The following ADARB1 variants were observed in gnomAD, a reference collection of about 807,000 sequenced individuals.
The protein encoded by ADARB1 is adenosine deaminase RNA specific B1, also known as double-stranded RNA-specific editase 1.
ADARB1 carries 10 observed loss-of-function variants against 52.4 expected under a neutral mutation model. The ratio of observed to expected loss-of-function variants is 0.19; its 90% CI spans 0.12 to 0.32. The LOEUF (loss-of-function observed/expected upper bound fraction) is 0.32. Among genes scored for constraint, ADARB1 ranks in the 10% least tolerant of loss-of-function variants. ADARB1 has a pLI of 1.00. For missense variants in ADARB1, 643 were observed against 922.3 expected (o/e 0.70, Z 3.92); for synonymous variants, 349 against 371.1 (o/e 0.94, Z 0.68).
chr21:45,162,064 G>C (rs1337264391), intron 2 of ADARB1, among the ~76,000 whole-genome samples: 1 of 152,118 alleles, frequency 6.6e-6, no homozygotes, highest in Middle Eastern at 3.2e-3. Context: ...ACACAAACAG[G>C]GCTGAAACAC....
chr21:45,098,726 G>A (rs187963957), intron 1 of ADARB1, among the ~76,000 whole-genome samples: 1 of 152,336 alleles, frequency 6.6e-6, no homozygotes, highest in East Asian at 1.9e-4. Context: ...TGCTAGGCAG[G>A]AGCTGGAGGC....
chr21:45,162,578 A>G (rs960768244), intron 2 of ADARB1, among the ~76,000 whole-genome samples: 1 of 152,128 alleles, frequency 6.6e-6, no homozygotes, highest in Admixed American at 6.5e-5. Flanking sequence ...TGAGGATCCT[A>G]TGACACTGGG....
intron 2 of ADARB1, among the ~76,000 whole-genome samples, chr21:45,171,266 C>T (rs891799645): frequency 1.3e-5 from 2 of 152,190 alleles, no homozygotes; most frequent in Admixed American, 6.5e-5. Flanking sequence ...GGAATCAAAC[C>T]CACCCTCCTC....
chr21:45,136,492 G>A (rs770486016), intron 2 of ADARB1, among the ~76,000 whole-genome samples: 4 of 152,208 alleles, frequency 2.6e-5, no homozygotes, highest in South Asian at 2.1e-4. Context: ...TGTTTGCTAC[G>A]CCCGGCACCA....
intron 2 of ADARB1, among the ~76,000 whole-genome samples, chr21:45,153,536 A>G (rs2090409959): frequency 6.6e-6 from 1 of 152,208 alleles, no homozygotes; most frequent in Non-Finnish European, 1.5e-5. Flanking sequence ...CCCTTGGGAC[A>G]TGCTGTGGCA....
chr21:45,134,518 TGTGTGTGTCTGACATGG>T (rs2089247063), intron 2 of ADARB1, among the ~76,000 whole-genome samples: 1 of 146,816 alleles, frequency 6.8e-6, no homozygotes, highest in Non-Finnish European at 1.5e-5. Context: ...GCCTGACGTG[TGTGTGTGTCTGACATGG>T]GTGTGTGCAC....
Position 45,220,845 on chromosome 21 carries a change from A to T in ADARB1, c.1757A>T (p.Asn586Ile). The change falls in exon 10 of 11, where the codon AAT (asparagine) becomes ATT (isoleucine). Residue 586 changes from asparagine to isoleucine, a missense_variant. Around this residue, in one of 2 missense-constraint regions of ADARB1, gnomAD observed 263 missense variants for 475.8 expected, o/e 0.55. Transcript: ENST00000348831. The surrounding 1 kb of genome is among the most constrained non-coding windows in gnomAD (Gnocchi z 6.3). The stretch of plus-strand genomic sequence containing the variant: ...GTGTCTTCCGTTTCAGGCATCAGCA[A>T]TGCAGAAGCACGGCAGCCAGGGAAG... Reference protein sequence around the residue: ...LNKPLLSGISNAEARQPGKAP... With the variant: ...LNKPLLSGISIAEARQPGKAP... 1 of 1,613,132 alleles carries T rather than the reference A, an allele frequency of 6.2e-7. No homozygotes were observed. Among genetic ancestry groups the T allele is most frequent in the Non-Finnish European group, 8.5e-7 (1 of 1,179,754 alleles).
intron 2 of ADARB1, among the ~76,000 whole-genome samples, chr21:45,164,491 CAG>C (rs924484192): frequency 7.2e-6 from 1 of 137,994 alleles, no homozygotes; most frequent in Non-Finnish European, 1.5e-5. Flanking sequence ...AGGCCACAAA[CAG>C]GGAGACAAAT....
intron 9 of ADARB1, among the ~76,000 whole-genome samples, chr21:45,211,782 G>C (rs914225364): frequency 6.6e-6 from 1 of 152,148 alleles, no homozygotes; most frequent in African/African-American, 2.4e-5. Flanking sequence ...TTTCTGTACC[G>C]CGGCCTGGGA....
intron 1 of ADARB1, among the ~76,000 whole-genome samples, chr21:45,115,986 G>A (rs999008573): frequency 3.2e-4 from 49 of 152,176 alleles, no homozygotes; most frequent in African/African-American, 1.0e-3. Flanking sequence ...TTTCACCCTC[G>A]TCATCCATCC....
chr21:45,164,175 G>T (rs895613567), intron 2 of ADARB1, among the ~76,000 whole-genome samples: 1 of 152,174 alleles, frequency 6.6e-6, no homozygotes, highest in South Asian at 2.1e-4. Context: ...ATGTGTAGGC[G>T]TCTCAGGGAT....
At chr21:45,092,179 G>A (rs752372120) in intron 1 of ADARB1, among the ~76,000 whole-genome samples, 3 of 152,132 alleles carry the variant, frequency 2.0e-5, no homozygotes, top group Admixed American at 1.3e-4. Flanking sequence ...CTCCTGGGCC[G>A]TCGGTTCAGA....
At chr21:45,089,320 T>C (rs1027188340) in intron 1 of ADARB1, among the ~76,000 whole-genome samples, 1 of 152,112 alleles carries the variant, frequency 6.6e-6, no homozygotes, top group African/African-American at 2.4e-5. Context: ...AATTTCAACA[T>C]AAAAAGTTGA....
intron 9 of ADARB1, among the ~76,000 whole-genome samples, chr21:45,209,882 C>G (rs2092734018): frequency 6.6e-6 from 1 of 152,228 alleles, no homozygotes; most frequent in Admixed American, 6.5e-5. Flanking sequence ...CCTGAAAATG[C>G]TGCTGAGCAG....
chr21:45,179,561 A>G (rs899179458), intron 4 of ADARB1, among the ~76,000 whole-genome samples: 3 of 152,216 alleles, frequency 2.0e-5, no homozygotes, highest in Non-Finnish European at 4.4e-5. Flanking sequence ...TCCAACAAAT[A>G]CATCTGTTCT....
chr21:45,166,715 A>T (rs1003198233), intron 2 of ADARB1, among the ~76,000 whole-genome samples: 3 of 152,190 alleles, frequency 2.0e-5, no homozygotes. Flanking sequence ...CATTAAAACA[A>T]GTTGGATTTG....
intron 1 of ADARB1, among the ~76,000 whole-genome samples, chr21:45,113,034 TTTTA>T (rs1170818806): frequency 6.6e-6 from 1 of 152,030 alleles, no homozygotes; most frequent in African/African-American, 2.4e-5. Flanking sequence ...CTTAGTTGAG[TTTTA>T]TTTGTCTGTG....
chr21:45,120,212 C>G (rs2088085450), intron 1 of ADARB1, among the ~76,000 whole-genome samples: 1 of 152,218 alleles, frequency 6.6e-6, no homozygotes, highest in South Asian at 2.1e-4. Context: ...TTTGGGTCAT[C>G]TCACAGCCCA....
chr21:45,218,374 T>G (rs966324019), intron 9 of ADARB1, among the ~76,000 whole-genome samples: 6 of 152,246 alleles, frequency 3.9e-5, no homozygotes, highest in Non-Finnish European at 8.8e-5. Context: ...AGTTTTCCTC[T>G]CTAGAAATTT....
Sources: gnomAD v4.1 joint callset for allele counts (sites outside exome capture counted in the v4.1 genomes callset) on GRCh38, gnomAD v4.1.1 for gene constraint, gnomAD v4.1.1 regional missense constraint, Gnocchi (gnomAD v3.1) non-coding constraint, MANE v1.5 for transcripts, NCBI Gene and HGNC (gene_info 2026-07-23, HGNC 2026-07-21) for gene names.